Variants in HNRNPH2 observed in about 807,000 individuals in gnomAD.
The protein encoded by HNRNPH2 is heterogeneous nuclear ribonucleoprotein H2, also known as FTP-3.
For missense variants in HNRNPH2, 115 were observed against 352.9 expected, an observed-to-expected ratio of 0.33 and a Z score of 5.40; for synonymous variants, 128 against 128.2, an observed-to-expected ratio of 1.00 and a Z score of 0.01.
At position 101,412,138 on chromosome X, in the gene HNRNPH2, A is replaced by G; in HGVS notation, c.150A>G (p.Glu50=). ...TSGIRFIYTR[E]GRPSGEAFVE... ...GTATTCGTTTCATCTACACCAGAGAAGGCAGACCAAGTGGTGAAGCATTTG... is the reference window on the plus strand; with the variant it reads ...GTATTCGTTTCATCTACACCAGAGAGGGCAGACCAAGTGGTGAAGCATTTG... Residue 50 remains glutamate (E), a synonymous_variant, in exon 2 of 2, where the codon GAA becomes GAG. Transcript: ENST00000316594. 8.3e-7 allele frequency: 1 copy of G among 1,211,925 alleles called. No homozygotes were observed. Among genetic ancestry groups the G allele is most frequent in the Non-Finnish European group, 1.1e-6 (1 of 895,371 alleles).
intron 1 of HNRNPH2, among the ~76,000 whole-genome samples, chrX:101,408,917 C>T (rs1363262735): frequency 1.8e-5 from 2 of 112,087 alleles, no homozygotes; most frequent in Admixed American, 1.9e-4. Context: ...GAGACGACTG[C>T]TCAACCTGAT....
rs1429266105 is a variant in HNRNPH2, at chrX:101,408,967, TA to T, written c.-54+651del. Among the ~76,000 whole-genome samples the T allele has an allele frequency of 3.6e-5, 4 of 111,333 alleles. No individual in the cohort carries two copies. In the Admixed American group the frequency reaches 3.8e-4, roughly 11 times the overall value. ...TTAAAAAATGTGTATAACACACATA[TA>T]AATACACAAATTCTTAACTCACAAA... On this transcript the variant is annotated intron_variant, in intron 1 of 1. Coordinates refer to ENST00000316594, the MANE Select transcript of HNRNPH2 (RefSeq NM_019597.5).
chrX:101,409,242 C>T (rs1349206790), intron 1 of HNRNPH2, among the ~76,000 whole-genome samples: 3 of 111,840 alleles, frequency 2.7e-5, no homozygotes, highest in Non-Finnish European at 5.6e-5. Context: ...AAACTGTTAT[C>T]ACTGCAGATG....
In HNRNPH2 at chrX:101,413,271, G is replaced by A; in HGVS notation, c.1283G>A (p.Ser428Asn). The A allele has an allele frequency of 8.3e-7, 1 of 1,206,832 alleles. No homozygotes were observed. The highest frequency in any genetic ancestry group is 1.1e-6 in the Non-Finnish European group (1 of 892,738). ...TATGGAGGTGGTTATGGTGGTCAGAGCAGTATGAGTGGATATGACCAAGTT... is the reference window on the plus strand; with the variant it reads ...TATGGAGGTGGTTATGGTGGTCAGAACAGTATGAGTGGATATGACCAAGTT... ...GGYGGGYGGQ[S>N]SMSGYDQVLQ... Residue 428 changes from serine to asparagine, a missense_variant, in exon 2 of 2, where the codon AGC becomes AAC. Transcript: ENST00000316594.
At chrX:101,408,831 C>T (rs1186049177) in intron 1 of HNRNPH2, among the ~76,000 whole-genome samples, 1 of 112,035 alleles carries the variant, frequency 8.9e-6, no homozygotes, top group Non-Finnish European at 1.9e-5. Context: ...TAACAACAAT[C>T]TACATATTCA....
chrX:101,408,304 C>G lies in HNRNPH2; in HGVS notation c.-69C>G. ...TTTGAGGGAAGAAGGAGGAAAATTA[C>G]CCGGTATCGTTAGAGGTTGGTGTGT... is the stretch of plus-strand genomic sequence containing the variant. On this transcript the variant is annotated 5_prime_UTR_variant, in exon 1 of 2. Coordinates refer to ENST00000316594, the MANE Select transcript of HNRNPH2 (RefSeq NM_019597.5). 4.1e-6 allele frequency: 1 copy of G among 246,857 alleles called. No individual in the cohort carries two copies. Among genetic ancestry groups the G allele is most frequent in the Non-Finnish European group, 7.5e-6 (1 of 133,418 alleles). 20.3% of individuals were successfully genotyped at this position (246,857 alleles called of 1,213,427 possible).
Position 101,412,288 on chromosome X carries a change from A to G in HNRNPH2, c.300A>G (p.Thr100=). Residue 100 remains threonine, a synonymous_variant, in exon 2 of 2, where the codon ACA becomes ACG. Transcript: ENST00000316594. ...AAATGGATTGGGTGTTGAAGCATAC[A>G]GGTCCGAATAGCCCTGATACTGCCA... ...SVEMDWVLKH[T]GPNSPDTAND... The G allele has an allele frequency of 4.1e-6, 5 of 1,210,682 alleles. No individual in the cohort carries two copies. Among genetic ancestry groups the G allele is most frequent in the Non-Finnish European group, 5.6e-6 (5 of 894,516 alleles).
Position 101,412,324 on chromosome X carries a change from C to T in HNRNPH2, c.336C>T (p.Phe112=). 19 of 1,211,284 alleles carry T rather than the reference C, an allele frequency of 1.6e-5. No individual in the cohort carries two copies. The highest frequency in any genetic ancestry group is 2.1e-5 in the Non-Finnish European group (19 of 895,091). The change falls in exon 2 of 2, where the codon TTC becomes TTT. Residue 112 remains phenylalanine, a synonymous_variant. Coordinates refer to ENST00000316594, the MANE Select transcript of HNRNPH2 (RefSeq NM_019597.5). ...GCCCTGATACTGCCAACGATGGCTTCGTCCGGCTTAGAGGACTCCCATTTG... is the reference window on the plus strand; with the variant it reads ...GCCCTGATACTGCCAACGATGGCTTTGTCCGGCTTAGAGGACTCCCATTTG... ...PNSPDTANDG[F]VRLRGLPFGC... is the part of the protein sequence containing the mutation.
intron 1 of HNRNPH2, among the ~76,000 whole-genome samples, chrX:101,410,825 A>G (rs1928765751): frequency 9.0e-6 from 1 of 111,491 alleles, no homozygotes; most frequent in Admixed American, 9.6e-5. Flanking sequence ...GATCTGATCT[A>G]TGCCTTGCCA....
intron 1 of HNRNPH2, among the ~76,000 whole-genome samples, chrX:101,411,254 A>ATTTATATT (rs1928782508): frequency 9.1e-6 from 1 of 110,021 alleles, no homozygotes; most frequent in Non-Finnish European, 1.9e-5. Context: ...TATATAATGA[A>ATTTATATT]GATATTATAT....
chrX:101,410,609 C>T (rs1485067995), intron 1 of HNRNPH2, among the ~76,000 whole-genome samples: 1 of 111,551 alleles, frequency 9.0e-6, no homozygotes, highest in African/African-American at 3.3e-5. Context: ...CCATTTTACT[C>T]CTGTTGCCTT....
At chrX:101,410,151 T>G (rs1555987894) in intron 1 of HNRNPH2, among the ~76,000 whole-genome samples, 1 of 112,546 alleles carries the variant, frequency 8.9e-6, no homozygotes, top group Admixed American at 9.4e-5. Flanking sequence ...CTTTTAAAAT[T>G]AAATGCATAA....
chrX:101,409,775 C>G (rs1928719492), intron 1 of HNRNPH2, among the ~76,000 whole-genome samples: 1 of 111,090 alleles, frequency 9.0e-6, no homozygotes, highest in African/African-American at 3.3e-5. Context: ...CAATCTTTTA[C>G]TATAAGTAGG....
intron 1 of HNRNPH2, among the ~76,000 whole-genome samples, chrX:101,410,578 A>G (rs1185228514): frequency 8.9e-6 from 1 of 111,852 alleles, no homozygotes; most frequent in Non-Finnish European, 1.9e-5. Context: ...TTTTTTTGGT[A>G]TGTGTAGATA....
rs781869058 is a variant in HNRNPH2, at chrX:101,412,531, T to C, written c.543T>C (p.Ile181=). 16 of 1,210,421 alleles carry C rather than the reference T, an allele frequency of 1.3e-5. No individual in the cohort carries two copies. Among genetic ancestry groups the C allele is most frequent in the Non-Finnish European group, 1.6e-5 (14 of 894,254 alleles). The part of the protein sequence containing the change: ...KHKERIGHRY[I]EIFKSSRAEV... ...AGGAAAGAATAGGGCACAGGTACAT[T>C]GAGATCTTCAAGAGTAGCCGAGCTG... Residue 181 remains isoleucine, a synonymous_variant, in exon 2 of 2, where the codon ATT becomes ATC. Transcript: ENST00000316594.
At chrX:101,410,970 GTC>G in intron 1 of HNRNPH2, among the ~76,000 whole-genome samples, 1 of 111,506 alleles carries the variant, frequency 9.0e-6, no homozygotes. Context: ...TGATCAACTA[GTC>G]CCTCTTTGAT....
In HNRNPH2 at chrX:101,413,432, A is replaced by G; in HGVS notation, c.*94A>G. On this transcript the variant is annotated 3_prime_UTR_variant, in exon 2 of 2. Coordinates refer to ENST00000316594, the MANE Select transcript of HNRNPH2 (RefSeq NM_019597.5). ...GGGAGGGATGTTTAGTATATCCAGTATGATTGGTAAATGGGAAATATAATT... is the reference window on the plus strand; with the variant it reads ...GGGAGGGATGTTTAGTATATCCAGTGTGATTGGTAAATGGGAAATATAATT... The G allele has an allele frequency of 2.9e-6, 2 of 684,214 alleles. No individual in the cohort carries two copies. Among genetic ancestry groups the G allele is most frequent in the Non-Finnish European group, 4.4e-6 (2 of 455,725 alleles). The allele number at this position is 684,214 out of a possible 1,213,427, so 56.4% of individuals were successfully genotyped here.
At chrX:101,409,617 G>A (rs977727505) in intron 1 of HNRNPH2, among the ~76,000 whole-genome samples, 24 of 111,735 alleles carry the variant, frequency 2.1e-4, no homozygotes, top group East Asian at 2.0e-3. Context: ...AAAAATCCCA[G>A]TACAGCAAAT....
At chrX:101,409,884 A>C (rs1311782695) in intron 1 of HNRNPH2, among the ~76,000 whole-genome samples, 1 of 111,838 alleles carries the variant, frequency 8.9e-6, no homozygotes, top group Non-Finnish European at 1.9e-5. Flanking sequence ...ATTCCAGTTT[A>C]AGGATAAAGT....
Sources: gnomAD v4.1 joint callset for allele counts (sites outside exome capture counted in the v4.1 genomes callset) on GRCh38, gnomAD v4.1.1 for gene constraint, MANE v1.5 for transcripts, NCBI Gene and HGNC (gene_info 2026-07-23, HGNC 2026-07-21) for gene names.